Variants in NYAP2 observed in about 807,000 individuals in gnomAD.
NYAP2 encodes the protein neuronal tyrosine-phosphorylated phosphoinositide-3-kinase adapter 2.
NYAP2 carries 23 observed loss-of-function variants against 50.4 expected under a neutral mutation model. That is an observed-to-expected ratio of 0.46 (90% CI 0.33 to 0.65). The LOEUF is 0.65. Among genes scored for constraint, NYAP2 ranks in the 30% least tolerant of loss-of-function variants. The probability of loss-of-function intolerance (pLI) is 0.02; values close to 1 mark genes in which losing one functional copy is unlikely to be tolerated. For synonymous variants in NYAP2, 394 were observed against 365.2 expected, an observed-to-expected ratio of 1.08 and a Z score of -0.90; for missense variants, 885 against 861.0, an observed-to-expected ratio of 1.03 and a Z score of -0.35.
At chr2:225,614,973 G>A (rs1056416935) in intron 5 of NYAP2, among the ~76,000 whole-genome samples, 5 of 152,128 alleles carry the variant, frequency 3.3e-5, no homozygotes, top group Admixed American at 1.3e-4. Context: ...CCAGGTTATC[G>A]GGAAGTTTCC....
intron 4 of NYAP2, among the ~76,000 whole-genome samples, chr2:225,566,238 C>T (rs963603328): frequency 1.3e-5 from 2 of 152,140 alleles, no homozygotes; most frequent in African/African-American, 2.4e-5. Flanking sequence ...TACAGTTCCA[C>T]TAAAGGAAAT....
intron 2 of NYAP2, among the ~76,000 whole-genome samples, chr2:225,405,596 A>C (rs774735985): frequency 7.2e-5 from 11 of 151,972 alleles, no homozygotes; most frequent in Non-Finnish European, 1.2e-4. Flanking sequence ...TTGAATTGGT[A>C]GCTGTTGTAA....
chr2:225,611,700 C>T (rs1466735184), intron 5 of NYAP2, among the ~76,000 whole-genome samples: 3 of 151,892 alleles, frequency 2.0e-5, no homozygotes, highest in Non-Finnish European at 2.9e-5. Flanking sequence ...ATTATTTTCT[C>T]CCTACCTTAC....
At chr2:225,486,618 G>A (rs74351540) in intron 3 of NYAP2, among the ~76,000 whole-genome samples, 5,008 of 152,258 alleles carry the variant, frequency 0.033, 129 homozygotes, top group East Asian at 0.1. Context: ...TAACCTCCGG[G>A]TTTGTTTCCA....
At chr2:225,699,849 T>C in the NYAP2 span, 4 of 151,904 alleles carry the variant, frequency 2.6e-5, no homozygotes, top group Non-Finnish European at 4.4e-5. Context: ...TAAGAAGAAC[T>C]TGTTAGTTGA....
intron 3 of NYAP2, among the ~76,000 whole-genome samples, chr2:225,472,026 T>A (rs56660849): frequency 0.012 from 1,865 of 152,266 alleles, 44 homozygotes; most frequent in African/African-American, 0.043. Flanking sequence ...CTCCCTACCA[T>A]CCTTCGAGGG....
the NYAP2 span, among the ~76,000 whole-genome samples, chr2:225,674,514 T>C: frequency 6.6e-6 from 1 of 152,034 alleles, no homozygotes; most frequent in Non-Finnish European, 1.5e-5. Context: ...GGGGCAGAAG[T>C]GTGTTAAGGT....
At chr2:225,510,311 A>C (rs554454744) in intron 3 of NYAP2, among the ~76,000 whole-genome samples, 3 of 152,158 alleles carry the variant, frequency 2.0e-5, no homozygotes, top group African/African-American at 4.8e-5. Flanking sequence ...ATATCTACTC[A>C]TTAATGGCCC....
the NYAP2 span, among the ~76,000 whole-genome samples, chr2:225,677,717 T>C: frequency 6.6e-6 from 1 of 152,220 alleles, no homozygotes; most frequent in Non-Finnish European, 1.5e-5. Context: ...GAATCATATT[T>C]ATTGATTTGC....
chr2:225,608,074 T>C (rs1254778410), intron 5 of NYAP2, among the ~76,000 whole-genome samples: 2 of 152,104 alleles, frequency 1.3e-5, no homozygotes, highest in East Asian at 1.9e-4. Flanking sequence ...CAAAAAATGA[T>C]TATCTTGTCA....
chr2:225,462,513 A>G (rs770617251), intron 3 of NYAP2, among the ~76,000 whole-genome samples: 5 of 152,126 alleles, frequency 3.3e-5, no homozygotes, highest in Admixed American at 6.6e-5. Flanking sequence ...TTCCATCCCA[A>G]TGAATGACTT....
At chr2:225,410,560 A>T (rs1245296753) in intron 3 of NYAP2, among the ~76,000 whole-genome samples, 1 of 152,106 alleles carries the variant, frequency 6.6e-6, no homozygotes, top group Non-Finnish European at 1.5e-5. Flanking sequence ...GTAACTTCAA[A>T]ACTCTAAAAT....
chr2:225,432,071 G>A (rs1242511949), intron 3 of NYAP2, among the ~76,000 whole-genome samples: 1 of 151,602 alleles, frequency 6.6e-6, no homozygotes, highest in Non-Finnish European at 1.5e-5. Context: ...CCAGGTTCAT[G>A]CCATTCTCCT....
chr2:225,461,546 C>G (rs1423177880), intron 3 of NYAP2, among the ~76,000 whole-genome samples: 1 of 152,176 alleles, frequency 6.6e-6, no homozygotes, highest in Admixed American at 6.5e-5. Flanking sequence ...AGGTAGACCT[C>G]CTTGTAACTT....
intron 3 of NYAP2, among the ~76,000 whole-genome samples, chr2:225,472,956 C>T (rs1282781658): frequency 1.3e-5 from 2 of 152,164 alleles, no homozygotes; most frequent in Admixed American, 6.5e-5. Flanking sequence ...TATCCTTCCC[C>T]ACTCCGCTTA....
chr2:225,434,850 A>G (rs1248522230), intron 3 of NYAP2, among the ~76,000 whole-genome samples: 3 of 152,220 alleles, frequency 2.0e-5, no homozygotes, highest in Admixed American at 1.3e-4. Context: ...TATGTTTAAA[A>G]GGCAACTTGA....
At chr2:225,485,136 A>T (rs1419542814) in intron 3 of NYAP2, among the ~76,000 whole-genome samples, 1 of 152,186 alleles carries the variant, frequency 6.6e-6, no homozygotes, top group Non-Finnish European at 1.5e-5. Context: ...TAATTGAATC[A>T]TGGGGGTGGT....
chr2:225,402,306 A>AAAAT (rs1486638783), intron 2 of NYAP2, among the ~76,000 whole-genome samples: 1 of 152,050 alleles, frequency 6.6e-6, no homozygotes, highest in Non-Finnish European at 1.5e-5. Flanking sequence ...ATTGTTTAAA[A>AAAAT]AAATAAATAA....
At chr2:225,477,027 G>C (rs1690125146) in intron 3 of NYAP2, among the ~76,000 whole-genome samples, 1 of 151,852 alleles carries the variant, frequency 6.6e-6, no homozygotes, top group African/African-American at 2.4e-5. Flanking sequence ...TTGAAGGAAA[G>C]GGAATATGAA....
Sources: allele counts gnomAD v4.1 joint callset (sites outside exome capture counted in the v4.1 genomes callset), GRCh38; gene constraint gnomAD v4.1.1; transcripts MANE v1.5; gene names NCBI Gene and HGNC (gene_info 2026-07-23, HGNC 2026-07-21).